ERC1: variants seen among roughly 807,000 people sequenced by gnomAD.
ERC1 encodes ELKS/RAB6-interacting/CAST family member 1, also known as RAB6 interacting protein 2.
ERC1 carries 56 observed loss-of-function variants against 132.0 expected under a neutral mutation model. The ratio of observed to expected loss-of-function variants is 0.42; its 90% CI spans 0.34 to 0.53. The LOEUF is 0.53. ERC1 is among the 20% of genes least tolerant of loss of function. The pLI is 0.03. For synonymous variants in ERC1, 478 were observed against 476.1 expected (o/e 1.00, Z -0.05); for missense variants, 1,202 against 1,349.9 (o/e 0.89, Z 1.72).
At chr12:1,142,538 A>G (rs959718436) in intron 8 of ERC1, among the ~76,000 whole-genome samples, 2 of 152,178 alleles carry the variant, frequency 1.3e-5, no homozygotes, top group African/African-American at 4.8e-5. Context: ...TGCATTTATA[A>G]TTTTGATGGA....
intron 8 of ERC1, among the ~76,000 whole-genome samples, chr12:1,166,563 C>T (rs974530556): frequency 1.3e-5 from 2 of 152,170 alleles, no homozygotes; most frequent in Non-Finnish European, 2.9e-5. Context: ...GAATTCCCTT[C>T]CATTCCTAGC....
At chr12:1,121,654 T>A in intron 7 of ERC1, among the ~76,000 whole-genome samples, 1 of 13,742 alleles carries the variant, frequency 7.3e-5, no homozygotes, top group South Asian at 0.014. Context: ...TCTATCTCTA[T>A]CTCTATCTCT....
At chr12:1,121,346 G>A (rs1250794109) in intron 7 of ERC1, among the ~76,000 whole-genome samples, 1 of 152,154 alleles carries the variant, frequency 6.6e-6, no homozygotes, top group Non-Finnish European at 1.5e-5. Flanking sequence ...TTCTGACTTC[G>A]CTAATTATGA....
At chr12:1,273,465 C>G (rs1008338789) in intron 14 of ERC1, among the ~76,000 whole-genome samples, 2 of 152,166 alleles carry the variant, frequency 1.3e-5, no homozygotes, top group African/African-American at 4.8e-5. Context: ...TTTTTCTTCA[C>G]AAGTGCTTAT....
chr12:1,393,808 A>T (rs1285574700), intron 16 of ERC1, among the ~76,000 whole-genome samples: 1 of 151,520 alleles, frequency 6.6e-6, no homozygotes, highest in Non-Finnish European at 1.5e-5. Context: ...CGGGCAGATC[A>T]CGAGGTCAGG....
chr12:1,266,809 CTTT>C (rs1355392710), intron 14 of ERC1, among the ~76,000 whole-genome samples: 1 of 152,058 alleles, frequency 6.6e-6, no homozygotes, highest in Non-Finnish European at 1.5e-5. Context: ...TTAAATGAGG[CTTT>C]TTTGTTTAGG....
intron 18 of ERC1, among the ~76,000 whole-genome samples, chr12:1,471,901 G>A (rs2093869499): frequency 6.6e-6 from 1 of 152,232 alleles, no homozygotes; most frequent in African/African-American, 2.4e-5. Context: ...GGCCAGGCGT[G>A]ATAGATACAT....
At chr12:1,442,988 A>G (rs1442585599) in intron 17 of ERC1, among the ~76,000 whole-genome samples, 6 of 149,762 alleles carry the variant, frequency 4.0e-5, no homozygotes, top group African/African-American at 7.4e-5. Flanking sequence ...GCTCACTGCA[A>G]GCTCCACCTC....
intron 12 of ERC1, among the ~76,000 whole-genome samples, chr12:1,216,607 A>AGGAGGGATGAGGGGCGGGGG (rs1768421600): frequency 3.6e-5 from 1 of 27,400 alleles, no homozygotes; most frequent in African/African-American, 1.1e-4. Flanking sequence ...GGGGTCGGGG[A>AGGAGGGATGAGGGGCGGGGG]GGAGGGATGG....
intron 2 of ERC1, among the ~76,000 whole-genome samples, chr12:1,054,933 C>T (rs149290934): frequency 6.6e-6 from 1 of 152,122 alleles, no homozygotes; most frequent in East Asian, 1.9e-4. Flanking sequence ...AGTATTCTGG[C>T]CCACATTAGC....
At chr12:1,353,790 C>T (rs2154367683) in intron 15 of ERC1, among the ~76,000 whole-genome samples, 1 of 152,274 alleles carries the variant, frequency 6.6e-6, no homozygotes, top group African/African-American at 2.4e-5. Flanking sequence ...ACTGCTCAGC[C>T]CATTGCAATA....
chr12:1,360,391 T>C (rs1338270417), intron 15 of ERC1, among the ~76,000 whole-genome samples: 2 of 152,158 alleles, frequency 1.3e-5, no homozygotes, highest in Admixed American at 6.5e-5. Flanking sequence ...TATAGGTGAT[T>C]TTACACTTAC....
intron 15 of ERC1, among the ~76,000 whole-genome samples, chr12:1,370,355 A>G (rs372372113): frequency 1.3e-5 from 2 of 152,382 alleles, no homozygotes; most frequent in South Asian, 4.1e-4. Flanking sequence ...CAAAGTGTGC[A>G]GATCATTGCC....
intron 3 of ERC1, among the ~76,000 whole-genome samples, chr12:1,093,294 T>G (rs1943488534): frequency 9.9e-6 from 1 of 101,424 alleles, no homozygotes; most frequent in South Asian, 3.1e-4. Flanking sequence ...CCGCTTATTC[T>G]TAGCTTTTGT....
At chr12:1,435,170 G>A (rs1473782010) in intron 17 of ERC1, among the ~76,000 whole-genome samples, 1 of 152,126 alleles carries the variant, frequency 6.6e-6, no homozygotes, top group Non-Finnish European at 1.5e-5. Context: ...TTTTAAATAT[G>A]ATTTCCTGAT....
At chr12:1,274,677 G>A (rs937061628) in intron 14 of ERC1, among the ~76,000 whole-genome samples, 5 of 152,132 alleles carry the variant, frequency 3.3e-5, no homozygotes, top group Non-Finnish European at 5.9e-5. Flanking sequence ...ATTTTTAGTA[G>A]AGATGGGATT....
At chr12:1,167,920 T>G (rs1952599410) in intron 8 of ERC1, among the ~76,000 whole-genome samples, 2 of 152,022 alleles carry the variant, frequency 1.3e-5, no homozygotes, top group Admixed American at 1.3e-4. Context: ...TTCAGCATGT[T>G]GGCCAGGATG....
intron 2 of ERC1, among the ~76,000 whole-genome samples, chr12:1,029,213 G>A (rs1157591270): frequency 1.3e-5 from 2 of 152,078 alleles, no homozygotes; most frequent in African/African-American, 4.8e-5. Context: ...TTAGCCAGGT[G>A]TGATGGCGTG....
At chr12:1,134,071 T>C (rs1224535525) in intron 7 of ERC1, among the ~76,000 whole-genome samples, 1 of 152,182 alleles carries the variant, frequency 6.6e-6, no homozygotes, top group Non-Finnish European at 1.5e-5. Flanking sequence ...TAAATATTAC[T>C]GAACTTTGTT....
Sources: gnomAD v4.1 joint callset for allele counts (sites outside exome capture counted in the v4.1 genomes callset) on GRCh38, gnomAD v4.1.1 for gene constraint, MANE v1.5 for transcripts, NCBI Gene and HGNC (gene_info 2026-07-23, HGNC 2026-07-21) for gene names.